RCHY1: variants seen among roughly 807,000 people sequenced by gnomAD.
The protein encoded by RCHY1 is ring finger and CHY zinc finger domain containing 1, also known as RING finger and CHY zinc finger domain-containing protein 1.
In RCHY1, 21 loss-of-function variants were observed where a neutral mutation model predicts 41.6. That is an observed-to-expected ratio of 0.51 (90% CI 0.36 to 0.73). RCHY1 has a LOEUF of 0.73. RCHY1 is among the 30% of genes least tolerant of loss of function. The pLI is 0.00. For synonymous variants in RCHY1, 79 were observed against 102.9 expected (o/e 0.77, Z 1.41); for missense variants, 265 against 325.3 (o/e 0.81, Z 1.43).
intron 1 of RCHY1, 124 bp from the exon 2 acceptor site, chr4:75,509,420 T>C (rs1724663808): frequency 5.2e-6 from 4 of 770,550 alleles, no homozygotes; most frequent in Non-Finnish European, 8.2e-6. Flanking sequence ...AATAGATCAG[T>C]TGCTAAACTG....
chr4:75,489,024 G>A (rs968380363), intron 8 of RCHY1, among the ~76,000 whole-genome samples: 2 of 151,832 alleles, frequency 1.3e-5, no homozygotes, highest in Admixed American at 6.6e-5. Flanking sequence ...GCAGTGAGCC[G>A]AGATTGTGCC....
chr4:75,494,525 G>GA, intron 3 of RCHY1: 1 of 215,410 alleles, frequency 4.6e-6, no homozygotes, highest in Non-Finnish European at 9.0e-6. Context: ...AGGATTTTAT[G>GA]TCTGTCTACA....
chr4:75,498,196 G>A (rs577119485), intron 3 of RCHY1, among the ~76,000 whole-genome samples: 476 of 149,210 alleles, frequency 3.2e-3, no homozygotes, highest in African/African-American at 3.7e-3. Flanking sequence ...ATACTATTAC[G>A]AACAACTATT....
At chr4:75,496,833 C>T (rs1161549616) in intron 3 of RCHY1, among the ~76,000 whole-genome samples, 1 of 152,020 alleles carries the variant, frequency 6.6e-6, no homozygotes, top group South Asian at 2.1e-4. Context: ...TGATATCCAA[C>T]CCACAATAAC....
At chr4:75,490,181 A>C (rs916215118) in intron 8 of RCHY1, among the ~76,000 whole-genome samples, 1 of 152,164 alleles carries the variant, frequency 6.6e-6, no homozygotes, top group Non-Finnish European at 1.5e-5. Context: ...TAAAAACCAA[A>C]ACGTAATCTC....
rs1725264756 is a variant in RCHY1, at chr4:75,514,064, C to G, written c.90+133G>C. On this transcript the variant is annotated intron_variant, in intron 1 of 8. Transcript: ENST00000324439. ...AAAAACGTTCTCCTCAAGAAGAACC[C>G]AGTTCCAGGTGGAAAAGGTATCCTG... 9 of 1,398,342 alleles carry G rather than the reference C, an allele frequency of 6.4e-6. No individual in the cohort carries two copies. In the South Asian group the frequency reaches 1.2e-4, roughly 18 times the overall value. 86.6% of individuals were successfully genotyped at this position (1,398,342 alleles called of 1,614,324 possible).
At chr4:75,491,177 A>G (rs13137105) in intron 7 of RCHY1, 62,914 of 159,412 alleles carry the variant, frequency 0.39, 12,590 homozygotes, top group East Asian at 0.42. Context: ...AATTATTTTC[A>G]TCTAATTTTA....
intron 1 of RCHY1, among the ~76,000 whole-genome samples, chr4:75,510,309 G>C (rs1724743160): frequency 6.6e-6 from 1 of 152,080 alleles, no homozygotes; most frequent in African/African-American, 2.4e-5. Flanking sequence ...CACTCGCCTT[G>C]GAATTGTTAA....
rs1222741086 is a variant in RCHY1, at chr4:75,509,167, A to T, written c.210+10T>A. ...TTTAAAAAGAAAATAGAAATGTCAT[A>T]AAATCTTACATGTTGAATTTTTTCA... On this transcript the variant is annotated intron_variant, in intron 2 of 8. Transcript: ENST00000324439. The T allele has an allele frequency of 6.2e-7, 1 of 1,605,118 alleles. No individual in the cohort carries two copies. Among genetic ancestry groups the T allele is most frequent in the Non-Finnish European group, 8.5e-7 (1 of 1,176,250 alleles).
At chr4:75,504,841 C>T (rs966041654) in intron 3 of RCHY1, among the ~76,000 whole-genome samples, 3 of 152,132 alleles carry the variant, frequency 2.0e-5, no homozygotes, top group African/African-American at 7.2e-5. Flanking sequence ...GCACATTATT[C>T]ACAAAAGGGC....
chr4:75,482,415 T>A lies in RCHY1; in HGVS notation c.*123A>T, dbSNP rs1268166323. ...ACGTACTTGTAATATGATTTTATGC[T>A]GTGACACTAGTACAAAACACATCAA... On this transcript the variant is annotated 3_prime_UTR_variant, in exon 9 of 9. Transcript: ENST00000324439. The A allele has an allele frequency of 1.3e-6, 1 of 788,364 alleles. No individual in the cohort carries two copies. The highest frequency in any genetic ancestry group is 3.4e-5 in the South Asian group (1 of 28,998). 48.8% of individuals were successfully genotyped at this position (788,364 alleles called of 1,614,324 possible). A position where few individuals can be genotyped will look rare whatever the true frequency, so the allele number is the denominator to read the frequency against.
intron 2 of RCHY1, 21 bp downstream of exon 2, chr4:75,509,156 A>G (rs1256390842): frequency 6.3e-7 from 1 of 1,598,962 alleles, no homozygotes; most frequent in Non-Finnish European, 8.5e-7. Context: ...AAAAGAAAAT[A>G]GAAATGTCAT....
At chr4:75,504,393 A>G (rs1442110932) in intron 3 of RCHY1, among the ~76,000 whole-genome samples, 1 of 152,330 alleles carries the variant, frequency 6.6e-6, no homozygotes, top group Admixed American at 6.5e-5. Flanking sequence ...AGCCTACTCA[A>G]CATGAAGAAG....
Position 75,480,465 on chromosome 4 carries a change from A to T in RCHY1, c.*2073T>A, listed in dbSNP as rs928751047. ...CTTGGATCTGATTCCCAACTCCAACATATAGTGTCTGTTATTTACCCCCAA... is the reference window on the plus strand; with the variant it reads ...CTTGGATCTGATTCCCAACTCCAACTTATAGTGTCTGTTATTTACCCCCAA... On this transcript the variant is annotated 3_prime_UTR_variant, in exon 9 of 9. Transcript: ENST00000324439. The T allele has an allele frequency of 2.0e-5, 3 of 152,202 alleles. No homozygotes were observed. Among genetic ancestry groups the T allele is most frequent in the African/African-American group, 7.2e-5 (3 of 41,456 alleles). 9.4% of individuals were successfully genotyped at this position (152,202 alleles called of 1,614,324 possible). A position where few individuals can be genotyped will look rare whatever the true frequency, so the allele number is the denominator to read the frequency against.
chr4:75,491,337 C>T, intron 7 of RCHY1: 1 of 307,908 alleles, frequency 3.2e-6, no homozygotes, highest in Admixed American at 4.8e-5. Context: ...CTGGCAAAAA[C>T]TGCACTTCCT....
intron 1 of RCHY1, among the ~76,000 whole-genome samples, chr4:75,512,902 A>AGGGG (rs33923711): frequency 9.3e-5 from 9 of 96,498 alleles, no homozygotes; most frequent in Non-Finnish European, 1.5e-4. Flanking sequence ...CTGGTATTTA[A>AGGGG]GGGGGGGGGG....
intron 3 of RCHY1, among the ~76,000 whole-genome samples, chr4:75,499,087 C>T (rs556208420): frequency 1.7e-4 from 26 of 150,430 alleles, no homozygotes; most frequent in African/African-American, 6.1e-4. Flanking sequence ...AACTTAATAA[C>T]AAAAAAAAAG....
intron 3 of RCHY1, among the ~76,000 whole-genome samples, chr4:75,500,774 A>G (rs1723672577): frequency 6.6e-6 from 1 of 152,214 alleles, no homozygotes; most frequent in Admixed American, 6.5e-5. Context: ...ACTAAAAGCA[A>G]TGACAAACTT....
Position 75,506,729 on chromosome 4 carries a change from G to C in RCHY1, c.326+2091C>G, listed in dbSNP as rs956356895. On this transcript the variant is annotated intron_variant, in intron 3 of 8. Transcript: ENST00000324439. ...GGAAAACGGTACAGAAACATTATCT[G>C]AAGAGAAACTGGCCAAAAATATTTC... is the stretch of plus-strand genomic sequence containing the variant. Among the ~76,000 whole-genome samples, 51 of 151,576 alleles carry C rather than the reference G, an allele frequency of 3.4e-4. 1 individual carries two copies. Among genetic ancestry groups the C allele is most frequent in the Admixed American group, 3.3e-3 (51 of 15,232 alleles).
Sources: allele counts gnomAD v4.1 joint callset (sites outside exome capture counted in the v4.1 genomes callset), GRCh38; gene constraint gnomAD v4.1.1; transcripts MANE v1.5; gene names NCBI Gene and HGNC (gene_info 2026-07-23, HGNC 2026-07-21).